The following NFIL3 variants were observed in gnomAD, a reference collection of about 807,000 sequenced individuals.
NFIL3 encodes nuclear factor, interleukin 3 regulated, also known as nuclear factor interleukin-3-regulated protein.
A neutral mutation model predicts 10.0 loss-of-function variants in NFIL3; 5 were observed. The observed-to-expected ratio is 0.50, with a 90% CI of 0.26 to 1.06. NFIL3 has a LOEUF of 1.06. Among genes scored for constraint, NFIL3 ranks in the 50% least tolerant of loss-of-function variants. The probability of loss-of-function intolerance (pLI) is 0.13; values close to 1 mark genes in which losing one functional copy is unlikely to be tolerated. For missense variants in NFIL3, 436 were observed against 547.6 expected (o/e 0.80, Z 2.03); for synonymous variants, 202 against 206.5 (o/e 0.98, Z 0.19).
the NFIL3 span, among the ~76,000 whole-genome samples, chr9:91,459,406 G>T: frequency 2.0e-5 from 3 of 152,190 alleles, no homozygotes; most frequent in African/African-American, 4.8e-5. Flanking sequence ...TTTTAGAAAA[G>T]AACTCTTCCA....
chr9:91,463,163 T>C, the NFIL3 span, among the ~76,000 whole-genome samples: 4 of 151,818 alleles, frequency 2.6e-5, no homozygotes, highest in Non-Finnish European at 5.9e-5. Flanking sequence ...ATATCCTACA[T>C]AGTTTCTTAT....
At chr9:91,451,684 T>C in the NFIL3 span, among the ~76,000 whole-genome samples, 2 of 152,192 alleles carry the variant, frequency 1.3e-5, no homozygotes, top group Non-Finnish European at 1.5e-5. Flanking sequence ...CTTAGCATAT[T>C]AGTGATGACT....
At chr9:91,433,617 C>T in the NFIL3 span, among the ~76,000 whole-genome samples, 12 of 152,178 alleles carry the variant, frequency 7.9e-5, no homozygotes, top group African/African-American at 1.2e-4. Flanking sequence ...ACCCATTTGA[C>T]CATGAGGGAA....
At chr9:91,457,236 T>G in the NFIL3 span, among the ~76,000 whole-genome samples, 1 of 148,036 alleles carries the variant, frequency 6.8e-6, no homozygotes, top group Admixed American at 6.6e-5. Flanking sequence ...AGGATCAGTT[T>G]GTCAGTTTTT....
At chr9:91,459,795 C>T in the NFIL3 span, among the ~76,000 whole-genome samples, 2 of 152,166 alleles carry the variant, frequency 1.3e-5, no homozygotes, top group Non-Finnish European at 2.9e-5. Flanking sequence ...TTAATATTTG[C>T]ATTTCAAATG....
the NFIL3 span, among the ~76,000 whole-genome samples, chr9:91,469,753 T>C: frequency 1.3e-5 from 2 of 152,242 alleles, no homozygotes; most frequent in East Asian, 3.8e-4. Flanking sequence ...GCTGTTGAAT[T>C]TAGTCAAAGG....
At chr9:91,460,271 C>CTTTTTTTTTTTTGTTTTTTT in the NFIL3 span, among the ~76,000 whole-genome samples, 1 of 70,444 alleles carries the variant, frequency 1.4e-5, no homozygotes, top group Non-Finnish European at 2.4e-5. Context: ...GGGCTTGGTT[C>CTTTTTTTTTTTTGTTTTTTT]TTTTTTTTTT....
the NFIL3 span, among the ~76,000 whole-genome samples, chr9:91,457,118 TG>T: frequency 6.6e-6 from 1 of 152,074 alleles, no homozygotes; most frequent in Admixed American, 6.5e-5. Flanking sequence ...TCTTGATCAC[TG>T]TACCTTTACA....
the NFIL3 span, among the ~76,000 whole-genome samples, chr9:91,460,018 C>T: frequency 2.0e-5 from 3 of 151,994 alleles, no homozygotes; most frequent in African/African-American, 7.3e-5. Flanking sequence ...GGGTTTTATA[C>T]GTTCCTTTGT....
the NFIL3 span, among the ~76,000 whole-genome samples, chr9:91,447,023 C>G: frequency 6.6e-6 from 1 of 152,172 alleles, no homozygotes; most frequent in Non-Finnish European, 1.5e-5. Flanking sequence ...ACCATGTTGG[C>G]CAAGCTGGTC....
the NFIL3 span, among the ~76,000 whole-genome samples, chr9:91,458,551 A>G: frequency 1.8e-4 from 28 of 151,964 alleles, no homozygotes; most frequent in Admixed American, 3.3e-4. Context: ...AAGCTTTTCT[A>G]GAAGTTATCC....
the NFIL3 span, among the ~76,000 whole-genome samples, chr9:91,442,116 A>T: frequency 1.3e-5 from 2 of 152,062 alleles, no homozygotes; most frequent in South Asian, 4.1e-4. Context: ...AGCATTTGTC[A>T]TAAGGCAGGG....
chr9:91,456,107 G>A, the NFIL3 span, among the ~76,000 whole-genome samples: 64 of 152,162 alleles, frequency 4.2e-4, no homozygotes, highest in East Asian at 8.5e-3. Flanking sequence ...TATATCAATC[G>A]TTTATTCCTT....
the NFIL3 span, among the ~76,000 whole-genome samples, chr9:91,438,309 C>A: frequency 1.3e-5 from 2 of 152,084 alleles, no homozygotes; most frequent in African/African-American, 4.8e-5. Context: ...TTCATATCTT[C>A]TTTGGAGAAA....
upstream of NFIL3, chr9:91,426,262 G>C (rs1350690818): frequency 6.6e-6 from 1 of 152,162 alleles, no homozygotes; most frequent in Non-Finnish European, 1.5e-5. Flanking sequence ...AGGTATCTGA[G>C]ATACCAGCTT....
chr9:91,481,104 TG>T, the NFIL3 span, among the ~76,000 whole-genome samples: 1 of 152,246 alleles, frequency 6.6e-6, no homozygotes, highest in East Asian at 1.9e-4. Context: ...CACATAGGTG[TG>T]TAGAGTTAAC....
the NFIL3 span, among the ~76,000 whole-genome samples, chr9:91,469,624 T>C: frequency 6.6e-6 from 1 of 152,230 alleles, no homozygotes; most frequent in Admixed American, 6.5e-5. Flanking sequence ...TCAAAGGGAA[T>C]GCTTCCAGTT....
At chr9:91,436,248 A>C in the NFIL3 span, among the ~76,000 whole-genome samples, 1 of 152,116 alleles carries the variant, frequency 6.6e-6, no homozygotes, top group Admixed American at 6.5e-5. Context: ...AGCCTGCATG[A>C]TCTCCATTTC....
At chr9:91,468,314 T>C in the NFIL3 span, among the ~76,000 whole-genome samples, 1 of 152,266 alleles carries the variant, frequency 6.6e-6, no homozygotes, top group African/African-American at 2.4e-5. Flanking sequence ...TTCATGCGTC[T>C]TTTGGCTGCA....
Sources: allele counts gnomAD v4.1 joint callset (sites outside exome capture counted in the v4.1 genomes callset), GRCh38; gene constraint gnomAD v4.1.1; transcripts MANE v1.5; gene names NCBI Gene and HGNC (gene_info 2026-07-23, HGNC 2026-07-21).